BCKDHB: variants seen among roughly 807,000 people sequenced by gnomAD.
The protein encoded by BCKDHB is branched chain keto acid dehydrogenase E1 subunit beta, also known as 2-oxoisovalerate dehydrogenase subunit beta, mitochondrial.
A neutral mutation model predicts 48.5 loss-of-function variants in BCKDHB; 41 were observed. The ratio of observed to expected loss-of-function variants is 0.85; its 90% CI spans 0.66 to 1.10. The LOEUF (loss-of-function observed/expected upper bound fraction) is 1.10, where lower values mean the gene tolerates loss of function less well. Among genes scored for constraint, BCKDHB ranks in the 50% least tolerant of loss-of-function variants. The pLI, the probability that BCKDHB is intolerant of heterozygous loss-of-function variation, is 0.00. For missense variants in BCKDHB, 496 were observed against 494.2 expected (o/e 1.00, Z -0.03); for synonymous variants, 201 against 174.8 (o/e 1.15, Z -1.18).
chr6:80,366,626 A>G, the BCKDHB span, among the ~76,000 whole-genome samples: 1 of 152,184 alleles, frequency 6.6e-6, no homozygotes, highest in African/African-American at 2.4e-5. Context: ...TTCTCATTTC[A>G]TAGTGTAGTG....
At chr6:80,123,339 G>A (rs940953532) in intron 1 of BCKDHB, among the ~76,000 whole-genome samples, 1 of 152,186 alleles carries the variant, frequency 6.6e-6, no homozygotes, top group South Asian at 2.1e-4. Flanking sequence ...ACAGGTGTAA[G>A]AAATTATAAA....
At chr6:80,273,004 A>G (rs1777814696) in intron 8 of BCKDHB, 131 bp from the exon 9 acceptor site, 7 of 745,328 alleles carry the variant, frequency 9.4e-6, no homozygotes, top group African/African-American at 1.8e-5. Flanking sequence ...TTATTGGCAT[A>G]CAATTGAATT....
At chr6:80,373,167 TA>T in the BCKDHB span, among the ~76,000 whole-genome samples, 1 of 152,192 alleles carries the variant, frequency 6.6e-6, no homozygotes, top group South Asian at 2.1e-4. Context: ...ATTTCTGGTC[TA>T]ATCTAGGAGG....
At chr6:80,239,401 T>C (rs1335797512) in intron 8 of BCKDHB, among the ~76,000 whole-genome samples, 2 of 152,256 alleles carry the variant, frequency 1.3e-5, no homozygotes, top group Admixed American at 6.5e-5. Context: ...AAATGTCTTC[T>C]TTTGAGAAGT....
chr6:80,400,044 CTG>C, the BCKDHB span, among the ~76,000 whole-genome samples: 1 of 151,970 alleles, frequency 6.6e-6, no homozygotes, highest in Admixed American at 6.6e-5. Flanking sequence ...AAGATTGAAA[CTG>C]TACTCCTTCC....
At chr6:80,307,492 C>T (rs1045002655) in intron 9 of BCKDHB, 1 of 984,540 alleles carries the variant, frequency 1.0e-6, no homozygotes, top group Non-Finnish European at 1.2e-6. Context: ...TCAGATATAC[C>T]CCCATGAAAG....
intron 8 of BCKDHB, among the ~76,000 whole-genome samples, chr6:80,257,885 C>T (rs1266819306): frequency 6.6e-6 from 1 of 152,038 alleles, no homozygotes; most frequent in Non-Finnish European, 1.5e-5. Context: ...GGACTCCCAG[C>T]AGATTGGATG....
At chr6:80,268,517 T>A (rs1247721106) in intron 8 of BCKDHB, among the ~76,000 whole-genome samples, 2 of 152,104 alleles carry the variant, frequency 1.3e-5, no homozygotes, top group Admixed American at 1.3e-4. Context: ...TGCTTTTTTT[T>A]AACCTTATCA....
At chr6:80,337,866 TTATGA>T (rs1769678135) in intron 9 of BCKDHB, among the ~76,000 whole-genome samples, 1 of 152,218 alleles carries the variant, frequency 6.6e-6, no homozygotes, top group Admixed American at 6.5e-5. Flanking sequence ...CTGTTTTGAC[TTATGA>T]TATGTTTCTT....
chr6:80,367,932 T>A, the BCKDHB span, among the ~76,000 whole-genome samples: 86 of 152,328 alleles, frequency 5.6e-4, no homozygotes, highest in South Asian at 2.5e-3. Context: ...TACATTTTTT[T>A]AAAAAATTAT....
chr6:80,269,336 T>C (rs2179842), intron 8 of BCKDHB, among the ~76,000 whole-genome samples: 58,789 of 152,106 alleles, frequency 0.39, 12,672 homozygotes, highest in Admixed American at 0.56. Flanking sequence ...AATGCTCTGT[T>C]GGACGGAATG....
chr6:80,313,403 C>A (rs1242570835), intron 9 of BCKDHB, among the ~76,000 whole-genome samples: 2 of 152,130 alleles, frequency 1.3e-5, no homozygotes, highest in Non-Finnish European at 2.9e-5. Context: ...CTTTGTCACC[C>A]AGGCTGGAGT....
chr6:80,295,165 A>G (rs1427870480), intron 9 of BCKDHB, among the ~76,000 whole-genome samples: 1 of 152,216 alleles, frequency 6.6e-6, no homozygotes, highest in Admixed American at 6.5e-5. Flanking sequence ...AGAAAGAACT[A>G]CATTGATATA....
chr6:80,124,465 G>A (rs912104422), intron 1 of BCKDHB, among the ~76,000 whole-genome samples: 11 of 146,698 alleles, frequency 7.5e-5, no homozygotes, highest in Middle Eastern at 3.5e-3. Context: ...CTTGTTTCTC[G>A]TTGTTCTGTC....
At chr6:80,313,797 A>G (rs1768295067) in intron 9 of BCKDHB, among the ~76,000 whole-genome samples, 1 of 151,930 alleles carries the variant, frequency 6.6e-6, no homozygotes, top group Non-Finnish European at 1.5e-5. Context: ...GTCTTCTCCT[A>G]GCTTTGGGGT....
At chr6:80,171,608 G>T (rs1463313361) in intron 6 of BCKDHB, among the ~76,000 whole-genome samples, 3 of 152,048 alleles carry the variant, frequency 2.0e-5, no homozygotes, top group Non-Finnish European at 4.4e-5. Flanking sequence ...AAACAAAGAG[G>T]AAATCTGAAG....
At chr6:80,122,624 G>A (rs961270178) in intron 1 of BCKDHB, among the ~76,000 whole-genome samples, 1 of 152,162 alleles carries the variant, frequency 6.6e-6, no homozygotes, top group African/African-American at 2.4e-5. Flanking sequence ...TTCAAAATTG[G>A]AGGGGGTTTA....
At chr6:80,412,061 C>A in the BCKDHB span, among the ~76,000 whole-genome samples, 5 of 152,132 alleles carry the variant, frequency 3.3e-5, no homozygotes, top group Non-Finnish European at 7.4e-5. Flanking sequence ...GAGCTGCAGA[C>A]CGGAGCTCTT....
intron 1 of BCKDHB, among the ~76,000 whole-genome samples, chr6:80,116,463 C>T (rs1360533288): frequency 6.6e-6 from 1 of 152,220 alleles, no homozygotes; most frequent in Admixed American, 6.5e-5. Flanking sequence ...GTTGTGAGCA[C>T]TGAAGACACA....
Sources: allele counts gnomAD v4.1 joint callset (sites outside exome capture counted in the v4.1 genomes callset), GRCh38; gene constraint gnomAD v4.1.1; transcripts MANE v1.5; gene names NCBI Gene and HGNC (gene_info 2026-07-23, HGNC 2026-07-21).